Variants in LEKR1 observed in about 807,000 individuals in gnomAD.
LEKR1 encodes the protein leucine, glutamate and lysine rich 1, also known as protein LEKR1.
LEKR1 carries 59 observed loss-of-function variants against 72.4 expected under a neutral mutation model. The observed-to-expected ratio is 0.82, with a 90% confidence interval of 0.66 to 1.01. The LOEUF is 1.01. LEKR1 is among the 50% of genes least tolerant of loss of function. The pLI, the probability that LEKR1 is intolerant of heterozygous loss-of-function variation, is 0.00. For synonymous variants in LEKR1, 257 were observed against 263.2 expected, an observed-to-expected ratio of 0.98 and a Z score of 0.23; for missense variants, 728 against 759.2, an observed-to-expected ratio of 0.96 and a Z score of 0.48.
At chr3:156,967,526 TGATGGAAG>T (rs1728740148) in intron 6 of LEKR1, among the ~76,000 whole-genome samples, 1 of 152,132 alleles carries the variant, frequency 6.6e-6, no homozygotes, top group East Asian at 1.9e-4. Flanking sequence ...AGGGTATCAG[TGATGGAAG>T]ATCAAATGAA....
rs1008633128 is a variant in LEKR1, at chr3:156,888,148, G to A, written c.264-32427G>A. 5.1e-6 allele frequency: 3 copies of A among 587,382 alleles called. No homozygotes were observed. In the African/African-American group the frequency reaches 5.6e-5, roughly 11 times the overall value. The allele number at this position is 587,382 out of a possible 1,614,324, so 36.4% of individuals were successfully genotyped here. On this transcript the variant is annotated intron_variant, in intron 3 of 12. Transcript: ENST00000356539. The stretch of plus-strand genomic sequence containing the variant: ...CCAGTTGAATGTGATTGCGTAGGAG[G>A]GCTCAAAGAAGGTAGCAGAGTAGGA...
chr3:156,855,146 G>T (rs573171027), intron 3 of LEKR1, among the ~76,000 whole-genome samples: 5 of 152,052 alleles, frequency 3.3e-5, no homozygotes, highest in African/African-American at 1.2e-4. Context: ...AACATATGTT[G>T]TTCCAAAGGA....
At chr3:157,038,417 G>A (rs549105112) in intron 12 of LEKR1, among the ~76,000 whole-genome samples, 1 of 152,302 alleles carries the variant, frequency 6.6e-6, no homozygotes, top group East Asian at 1.9e-4. Flanking sequence ...TGGAGATGTT[G>A]ACTAGGCAAT....
chr3:156,915,590 A>C (rs1036476447), intron 3 of LEKR1, among the ~76,000 whole-genome samples: 1 of 151,466 alleles, frequency 6.6e-6, no homozygotes, highest in African/African-American at 2.4e-5. Context: ...TCTTTTGCCC[A>C]CTTTTTAACG....
chr3:156,832,000 A>C (rs960839247), intron 2 of LEKR1, among the ~76,000 whole-genome samples: 3 of 152,222 alleles, frequency 2.0e-5, no homozygotes, highest in Non-Finnish European at 4.4e-5. Flanking sequence ...AAAAAGGCCT[A>C]CAGCCACTGT....
At chr3:156,984,944 T>C (rs1294208358) in intron 7 of LEKR1, among the ~76,000 whole-genome samples, 1 of 151,932 alleles carries the variant, frequency 6.6e-6, no homozygotes, top group African/African-American at 2.4e-5. Flanking sequence ...TATTGAGATA[T>C]AAATATCAGC....
chr3:157,045,703 A>G lies in LEKR1; in HGVS notation c.2032A>G (p.Arg678Gly), dbSNP rs763808233. The G allele has an allele frequency of 2.5e-6, 4 of 1,612,872 alleles. No homozygotes were observed. The highest frequency in any genetic ancestry group is 3.4e-6 in the Non-Finnish European group (4 of 1,180,006). The change falls in exon 13 of 13, where the codon AGA (arginine) becomes GGA (glycine). Residue 678 changes from arginine to glycine, a missense_variant. Coordinates refer to ENST00000356539, the MANE Select transcript of LEKR1 (RefSeq NM_001004316.3). The part of the protein sequence containing the change: ...RGGASSANET[R>G]QRLAAILRRR... Reference sequence around the variant, plus strand: ...TGGAGCATCTTCAGCAAATGAGACTAGACAGAGACTGGCTGCCATTCTTAG... The same window carrying G: ...TGGAGCATCTTCAGCAAATGAGACTGGACAGAGACTGGCTGCCATTCTTAG...
intron 12 of LEKR1, among the ~76,000 whole-genome samples, chr3:157,031,592 C>T (rs1450980497): frequency 6.6e-6 from 1 of 152,000 alleles, no homozygotes; most frequent in Non-Finnish European, 1.5e-5. Flanking sequence ...GATTTATGAG[C>T]CAAAAAGAAT....
At chr3:156,843,572 C>T (rs344088) in intron 2 of LEKR1, among the ~76,000 whole-genome samples, 35,464 of 151,958 alleles carry the variant, frequency 0.23, 6,202 homozygotes, top group African/African-American at 0.49. Flanking sequence ...CAATCCCTTT[C>T]CCCAGCAGTA....
At chr3:156,838,868 C>T (rs1713515362) in intron 2 of LEKR1, among the ~76,000 whole-genome samples, 1 of 152,118 alleles carries the variant, frequency 6.6e-6, no homozygotes, top group African/African-American at 2.4e-5. Flanking sequence ...GTTCTTCCTC[C>T]CACACAGATG....
rs147716367 is a variant in LEKR1, at chr3:156,904,657, A to AATAT, written c.264-15901_264-15898dup. Among the ~76,000 whole-genome samples the AATAT allele has an allele frequency of 7.0e-3, 1,019 of 144,610 alleles. 14 individuals carry two copies. The highest frequency in any genetic ancestry group is 0.024 in the African/African-American group (951 of 39,478). 94.9% of individuals were successfully genotyped at this position (144,610 alleles called of 152,430 possible). A position where few individuals can be genotyped will look rare whatever the true frequency, so the allele number is the denominator to read the frequency against. On this transcript the variant is annotated intron_variant, in intron 3 of 12. Transcript: ENST00000356539. ...ATATGACAGGATCTATCATATAGCA[A>AATAT]ATATATATATATATATATATTTGGA...
intron 3 of LEKR1, among the ~76,000 whole-genome samples, chr3:156,872,058 T>C (rs887935990): frequency 6.6e-6 from 1 of 152,120 alleles, no homozygotes; most frequent in East Asian, 1.9e-4. Flanking sequence ...GCAGTGAAAC[T>C]GTCTGGTCCT....
In LEKR1 at chr3:156,891,347, C is replaced by CAT. The variant is rs1264594872; in HGVS notation, c.264-29226_264-29225dup. 2.6e-5 allele frequency among the ~76,000 whole-genome samples: 4 copies of CAT among 152,164 alleles called. No individual in the cohort carries two copies. In the East Asian group the frequency reaches 7.7e-4, roughly 29 times the overall value. ...TTTGCCTTTTGGGGTTATATCATTCCATAGGTAATAAATTATTAGTACTTC... is the reference window on the plus strand; with the variant it reads ...TTTGCCTTTTGGGGTTATATCATTCCATATAGGTAATAAATTATTAGTACTTC... On this transcript the variant is annotated intron_variant, in intron 3 of 12. Transcript: ENST00000356539.
chr3:156,910,387 A>C (rs1015888293), intron 3 of LEKR1, among the ~76,000 whole-genome samples: 7 of 152,122 alleles, frequency 4.6e-5, no homozygotes, highest in Admixed American at 3.9e-4. Flanking sequence ...TTTGATTTTC[A>C]GTTCCTGTAT....
intron 6 of LEKR1, among the ~76,000 whole-genome samples, chr3:156,963,717 G>A (rs1012011751): frequency 6.6e-6 from 1 of 152,062 alleles, no homozygotes; most frequent in Non-Finnish European, 1.5e-5. Context: ...ACCCTCCTGG[G>A]TTAAGCACTT....
chr3:156,955,949 T>C (rs2107979755), intron 6 of LEKR1, among the ~76,000 whole-genome samples: 1 of 83,416 alleles, frequency 1.2e-5, no homozygotes, highest in South Asian at 5.7e-4. Context: ...GTTCATACTG[T>C]AGAATAGTTA....
At chr3:156,917,139 G>T (rs892878772) in intron 3 of LEKR1, among the ~76,000 whole-genome samples, 8 of 152,100 alleles carry the variant, frequency 5.3e-5, no homozygotes, top group African/African-American at 1.9e-4. Context: ...AGAAATTTTG[G>T]TAGTTAGAAT....
chr3:157,001,669 A>T (rs1732024020), intron 9 of LEKR1, among the ~76,000 whole-genome samples: 1 of 152,218 alleles, frequency 6.6e-6, no homozygotes, highest in African/African-American at 2.4e-5. Flanking sequence ...TAGAATGTCA[A>T]TAGCCACACC....
chr3:157,024,772 C>G lies in LEKR1; in HGVS notation c.1216C>G (p.Leu406Val). 6.2e-7 allele frequency: 1 copy of G among 1,605,414 alleles called. No individual in the cohort carries two copies. Among genetic ancestry groups the G allele is most frequent in the East Asian group, 2.2e-5 (1 of 44,742 alleles). The change falls in exon 11 of 13, where the codon CTT (leucine) becomes GTT (valine). Residue 406 changes from leucine to valine, a missense_variant. Physicochemically the swap from Leu to Val is conservative, Grantham distance 32. Transcript: ENST00000356539. ...DNWKEKIEAE[L>V]AKERAQHLVE... ...ATGCCATTTCTAGATTGAAGCAGAA[C>G]TTGCCAAGGAAAGGGCCCAACACTT...
Sources: gnomAD v4.1 joint callset for allele counts (sites outside exome capture counted in the v4.1 genomes callset) on GRCh38, gnomAD v4.1.1 for gene constraint, MANE v1.5 for transcripts, NCBI Gene and HGNC (gene_info 2026-07-23, HGNC 2026-07-21) for gene names.